UBE3A: variants seen among roughly 807,000 people sequenced by gnomAD.
UBE3A encodes ubiquitin-protein ligase E3A.
UBE3A carries 6 observed loss-of-function variants against 83.4 expected under a neutral mutation model. The ratio of observed to expected loss-of-function variants is 0.07; its 90% CI spans 0.04 to 0.14. The LOEUF (loss-of-function observed/expected upper bound fraction) is 0.14. UBE3A is among the 10% of genes least tolerant of loss of function. The pLI, the probability that UBE3A is intolerant of heterozygous loss-of-function variation, is 1.00. For missense variants in UBE3A, 456 were observed against 1,036.1 expected (o/e 0.44, Z 7.69); for synonymous variants, 337 against 355.4 (o/e 0.95, Z 0.58).
chr15:25,359,608 T>TG (rs2077744003), intron 7 of UBE3A, among the ~76,000 whole-genome samples: 1 of 152,152 alleles, frequency 6.6e-6, no homozygotes. Flanking sequence ...AACCTTTTCC[T>TG]GTAATTGTCA....
chr15:25,405,598 T>G, intron 3 of UBE3A, 96 bp from the exon 4 acceptor site: 1 of 1,296,822 alleles, frequency 7.7e-7, no homozygotes, highest in Non-Finnish European at 1.1e-6. Flanking sequence ...GTAAACAAGA[T>G]TTAAGCACTA....
intron 7 of UBE3A, among the ~76,000 whole-genome samples, chr15:25,359,748 T>A (rs766066365): frequency 1.3e-5 from 2 of 152,124 alleles, no homozygotes; most frequent in Non-Finnish European, 2.9e-5. Flanking sequence ...TGTTCTACTT[T>A]ATCACAAAAG....
At chr15:25,422,551 T>C (rs1226255496) in intron 1 of UBE3A, among the ~76,000 whole-genome samples, 8 of 152,044 alleles carry the variant, frequency 5.3e-5, no homozygotes, top group Non-Finnish European at 1.2e-4. Context: ...GTAGATATAA[T>C]TCCCAAACCA....
At chr15:25,375,041 T>A (rs964147441) in intron 5 of UBE3A, 1 of 205,690 alleles carries the variant, frequency 4.9e-6, no homozygotes, top group Non-Finnish European at 9.8e-6. Context: ...TATCACAAAA[T>A]TTTGTCTTGC....
intron 1 of UBE3A, among the ~76,000 whole-genome samples, chr15:25,434,257 A>T (rs1894336566): frequency 6.6e-6 from 1 of 152,118 alleles, no homozygotes; most frequent in Non-Finnish European, 1.5e-5. Context: ...TGGCAAAGAA[A>T]CTGTGTATTA....
rs1289813552 is a variant in UBE3A, at chr15:25,368,142, A to G, written c.1608+2424T>C. Among the ~76,000 whole-genome samples, 3 of 152,152 alleles carry G rather than the reference A, an allele frequency of 2.0e-5. 1 individual carries two copies. Among genetic ancestry groups the G allele is most frequent in the Middle Eastern group, 6.3e-3 (2 of 316 alleles). On this transcript the variant is annotated intron_variant, in intron 6 of 12. Coordinates refer to ENST00000648336, the MANE Select transcript of UBE3A (RefSeq NM_130839.5). Reference sequence around the variant, plus strand: ...TGATATATAAGAATGAGGCTTAAAAAGCAGAGATCCTTGGGAAATAAGATC... The same window carrying G: ...TGATATATAAGAATGAGGCTTAAAAGGCAGAGATCCTTGGGAAATAAGATC...
chr15:25,365,625 G>A (rs537630976), intron 6 of UBE3A, among the ~76,000 whole-genome samples: 3 of 151,822 alleles, frequency 2.0e-5, no homozygotes, highest in Non-Finnish European at 2.9e-5. Flanking sequence ...GCAGGCGCCT[G>A]TAGTCCCAGC....
intron 1 of UBE3A, among the ~76,000 whole-genome samples, chr15:25,433,021 A>G (rs946542683): frequency 1.2e-4 from 19 of 152,180 alleles, no homozygotes; most frequent in African/African-American, 4.1e-4. Flanking sequence ...GCCATTGATC[A>G]GATTAACACA....
chr15:25,359,841 T>C (rs1021294095), intron 7 of UBE3A, among the ~76,000 whole-genome samples: 5 of 152,200 alleles, frequency 3.3e-5, no homozygotes, highest in African/African-American at 1.2e-4. Context: ...ATAACAACTC[T>C]TCTGTTAGGG....
intron 1 of UBE3A, among the ~76,000 whole-genome samples, chr15:25,420,168 T>C (rs1889059518): frequency 6.6e-6 from 1 of 152,112 alleles, no homozygotes; most frequent in Non-Finnish European, 1.5e-5. Context: ...AGCAAAATGA[T>C]ATAATGTGCA....
At position 25,370,312 on chromosome 15, in the gene UBE3A, A is replaced by T. The variant is rs1312495616; in HGVS notation, c.1608+254T>A. Among the ~76,000 whole-genome samples, 14 of 152,212 alleles carry T rather than the reference A, an allele frequency of 9.2e-5. No homozygotes were observed. The highest frequency in any genetic ancestry group is 9.2e-4 in the Admixed American group (14 of 15,278). ...TCTGAATGAAAGAAACTTTGGATTTAGTTTTCAAGATTTAGAAAACCCATT... is the reference window on the plus strand; with the variant it reads ...TCTGAATGAAAGAAACTTTGGATTTTGTTTTCAAGATTTAGAAAACCCATT... On this transcript the variant is annotated intron_variant, in intron 6 of 12. Coordinates refer to ENST00000648336, the MANE Select transcript of UBE3A (RefSeq NM_130839.5). The surrounding 1 kb of genome is among the most constrained non-coding windows in gnomAD (Gnocchi z 4.2).
chr15:25,430,453 G>A (rs7495556), intron 1 of UBE3A, among the ~76,000 whole-genome samples: 133,668 of 148,806 alleles, frequency 0.9, 61,474 homozygotes, highest in East Asian at 1. Context: ...ATTAGCCCCA[G>A]TTTCTCAAAA....
At chr15:25,435,348 A>G (rs1340172768) in intron 1 of UBE3A, among the ~76,000 whole-genome samples, 1 of 152,194 alleles carries the variant, frequency 6.6e-6, no homozygotes, top group Non-Finnish European at 1.5e-5. Context: ...CTCAGCTCAT[A>G]GAAGCCACAG....
Position 25,358,198 on chromosome 15 carries a change from C to T in UBE3A, c.1754-1302G>A, listed in dbSNP as rs184846224. 2.9e-3 allele frequency among the ~76,000 whole-genome samples: 446 copies of T among 151,898 alleles called. 2 individuals are homozygous for T. Among genetic ancestry groups the T allele is most frequent in the Admixed American group, 3.9e-3 (59 of 15,252 alleles). The stretch of plus-strand genomic sequence containing the variant: ...ACCAGCCTGGGCAAGATGGAGAAAC[C>T]CCATCTCTACAAAAACACAAAAAAT... On this transcript the variant is annotated intron_variant, in intron 7 of 12. Transcript: ENST00000648336.
Position 25,334,454 on chromosome 15 carries a change from A to T in UBE3A, c.*4683T>A, listed in dbSNP as rs1289912445. ...ACAGTCATGGAACAGAAAACCTAACACCATTAAAATAGCAGTTATTTCTCA... is the reference window on the plus strand; with the variant it reads ...ACAGTCATGGAACAGAAAACCTAACTCCATTAAAATAGCAGTTATTTCTCA... On this transcript the variant is annotated 3_prime_UTR_variant, in exon 13 of 13. Transcript: ENST00000648336. The T allele has an allele frequency of 6.6e-6, 1 of 152,122 alleles. No homozygotes were observed. Among genetic ancestry groups the T allele is most frequent in the African/African-American group, 2.4e-5 (1 of 41,410 alleles). 9.4% of individuals were successfully genotyped at this position (152,122 alleles called of 1,614,324 possible).
At chr15:25,341,761 AAAAAAAAAAAAAATTTCATCTC>A (rs1167244494) in intron 11 of UBE3A, among the ~76,000 whole-genome samples, 1 of 141,588 alleles carries the variant, frequency 7.1e-6, no homozygotes, top group African/African-American at 2.9e-5. Context: ...AGCCATCTCA[AAAAAAAAAAAAAATTTCATCTC>A]AAAAAAAAAA....
At chr15:25,360,748 A>G (rs1394903841) in intron 6 of UBE3A, among the ~76,000 whole-genome samples, 1 of 152,208 alleles carries the variant, frequency 6.6e-6, no homozygotes, top group African/African-American at 2.4e-5. Context: ...GCATAGTAAA[A>G]AGCTAACTTT....
chr15:25,428,212 A>G (rs1340383425), intron 1 of UBE3A, among the ~76,000 whole-genome samples: 1 of 152,172 alleles, frequency 6.6e-6, no homozygotes, highest in Non-Finnish European at 1.5e-5. Context: ...TAAATTATGT[A>G]TGTATATTTA....
chr15:25,395,088 G>C (rs1402452738), intron 4 of UBE3A, among the ~76,000 whole-genome samples: 3 of 152,104 alleles, frequency 2.0e-5, no homozygotes, highest in African/African-American at 7.2e-5. Flanking sequence ...GAAGCCACAT[G>C]GATTATCACA....
Sources: allele counts gnomAD v4.1 joint callset (sites outside exome capture counted in the v4.1 genomes callset), GRCh38; gene constraint gnomAD v4.1.1; non-coding constraint Gnocchi (gnomAD v3.1); transcripts MANE v1.5; gene names NCBI Gene and HGNC (gene_info 2026-07-23, HGNC 2026-07-21).